The following EFHC2 variants were observed in gnomAD, a reference collection of about 807,000 sequenced individuals.
EFHC2 encodes EF-hand domain-containing family member C2.
Under a neutral mutation model 52.7 loss-of-function variants are expected in EFHC2, and 18 were observed. The observed-to-expected ratio is 0.34, with a 90% CI of 0.24 to 0.51. EFHC2 has a LOEUF of 0.51. Ranked by LOEUF, EFHC2 falls within the 20% of genes least tolerant of loss-of-function variation. The pLI, the probability that EFHC2 is intolerant of heterozygous loss-of-function variation, is 0.97. For missense variants in EFHC2, 513 were observed against 562.5 expected, an observed-to-expected ratio of 0.91 and a Z score of 0.89; for synonymous variants, 203 against 204.1, an observed-to-expected ratio of 0.99 and a Z score of 0.04.
At chrX:44,159,122 T>C (rs1231505446) in intron 14 of EFHC2, among the ~76,000 whole-genome samples, 1 of 112,049 alleles carries the variant, frequency 8.9e-6, no homozygotes, top group Non-Finnish European at 1.9e-5. Flanking sequence ...AGGATATCTT[T>C]GGGCTTCCAT....
At chrX:44,343,070 C>T (rs1401424805) in intron 1 of EFHC2, among the ~76,000 whole-genome samples, 2 of 110,266 alleles carry the variant, frequency 1.8e-5, no homozygotes, top group Non-Finnish European at 3.8e-5. Flanking sequence ...TTTTTTCACA[C>T]AGGATACTGG....
intron 2 of EFHC2, among the ~76,000 whole-genome samples, chrX:44,304,551 G>A (rs777693467): frequency 7.2e-5 from 8 of 111,709 alleles, no homozygotes; most frequent in South Asian, 3.8e-4. Flanking sequence ...GATGATGACT[G>A]GAAATAACTG....
intron 14 of EFHC2, among the ~76,000 whole-genome samples, chrX:44,154,232 G>T (rs2036590798): frequency 8.9e-6 from 1 of 112,866 alleles, no homozygotes; most frequent in Admixed American, 9.3e-5. Flanking sequence ...GGCCTCTGAG[G>T]CTTGCTTTGG....
chrX:44,269,843 A>G (rs1236333059), intron 3 of EFHC2, among the ~76,000 whole-genome samples: 1 of 111,999 alleles, frequency 8.9e-6, no homozygotes, highest in East Asian at 2.8e-4. Flanking sequence ...GCTGACAGTG[A>G]CAGTAACTAC....
intron 4 of EFHC2, among the ~76,000 whole-genome samples, chrX:44,253,092 A>G (rs1050997632): frequency 2.7e-5 from 3 of 110,976 alleles, no homozygotes; most frequent in Admixed American, 9.6e-5. Context: ...GGAACAGTGT[A>G]CTCTGGCCCA....
chrX:44,317,863 A>T (rs988429809), intron 1 of EFHC2, among the ~76,000 whole-genome samples: 2 of 113,003 alleles, frequency 1.8e-5, no homozygotes, highest in East Asian at 5.6e-4. Context: ...TAATTTTTTT[A>T]AAATGAAAAA....
chrX:44,302,222 G>A (rs752347827), intron 2 of EFHC2, among the ~76,000 whole-genome samples: 2 of 111,448 alleles, frequency 1.8e-5, no homozygotes, highest in Non-Finnish European at 3.8e-5. Flanking sequence ...GGGATGTAGT[G>A]GTACCTACAA....
intron 8 of EFHC2, among the ~76,000 whole-genome samples, chrX:44,239,208 AAC>A (rs2037342652): frequency 8.9e-6 from 1 of 112,273 alleles, no homozygotes; most frequent in South Asian, 3.7e-4. Flanking sequence ...ATGAAGATTA[AAC>A]CATGAATTTT....
At chrX:44,343,278 C>A (rs2038163535) in intron 1 of EFHC2, among the ~76,000 whole-genome samples, 1 of 111,920 alleles carries the variant, frequency 8.9e-6, no homozygotes, top group South Asian at 3.7e-4. Context: ...ACATTAAACC[C>A]CCAATGGTTA....
intron 1 of EFHC2, among the ~76,000 whole-genome samples, chrX:44,325,688 C>T (rs1014382844): frequency 3.7e-5 from 4 of 106,877 alleles, no homozygotes; most frequent in African/African-American, 1.4e-4. Context: ...AACTCCAGCA[C>T]AGCAGTCTCT....
chrX:44,247,376 T>C (rs2037408296), intron 7 of EFHC2, among the ~76,000 whole-genome samples: 1 of 111,743 alleles, frequency 8.9e-6, no homozygotes, highest in African/African-American at 3.3e-5. Flanking sequence ...ACCTTGTCTT[T>C]CAAGAAGCTG....
Position 44,250,404 on chromosome X carries a change from G to C in EFHC2, c.648C>G (p.Leu216=). The C allele has an allele frequency of 8.3e-7, 1 of 1,209,827 alleles. No homozygotes were observed. The highest frequency in any genetic ancestry group is 3.0e-5 in the East Asian group (1 of 33,828). ...HVEPLRPYES[L]DTLKQFLQYH... is the part of the protein sequence containing the mutation. ...ACTGGAGGAACTGTTTCAGGGTGTC[G>C]AGGGATTCGTAGGGACGTAAGGGCT... Residue 216 remains leucine, a synonymous_variant, in exon 5 of 15, where the codon CTC becomes CTG. Transcript: ENST00000420999.
intron 2 of EFHC2, among the ~76,000 whole-genome samples, chrX:44,294,651 C>T (rs187162567): frequency 1.0e-3 from 112 of 111,673 alleles, no homozygotes; most frequent in African/African-American, 3.4e-3. Context: ...AAGTTCAAAG[C>T]TCTGTGCTGT....
chrX:44,178,039 G>A (rs990443611), intron 12 of EFHC2, among the ~76,000 whole-genome samples: 2 of 108,410 alleles, frequency 1.8e-5, no homozygotes, highest in African/African-American at 3.4e-5. Context: ...GCTGAGGCAG[G>A]AGACTCTCTT....
chrX:44,174,599 T>C (rs1159676943), intron 13 of EFHC2, among the ~76,000 whole-genome samples: 1 of 97,011 alleles, frequency 1.0e-5, no homozygotes, highest in Non-Finnish European at 2.0e-5. Context: ...GTGAAAACCA[T>C]TGGGAGCTAT....
intron 11 of EFHC2, among the ~76,000 whole-genome samples, chrX:44,199,943 C>A (rs2036994221): frequency 8.9e-6 from 1 of 112,139 alleles, no homozygotes; most frequent in Non-Finnish European, 1.9e-5. Flanking sequence ...GGAACTGTTA[C>A]AGACCACAGA....
At chrX:44,229,580 A>G in intron 11 of EFHC2, 69 bp downstream of exon 11, 1 of 1,157,189 alleles carries the variant, frequency 8.6e-7, no homozygotes, top group Non-Finnish European at 1.2e-6. Context: ...TTAGGAAAGA[A>G]ATAGTTCTCT....
At chrX:44,202,731 A>G (rs1039099547) in intron 11 of EFHC2, among the ~76,000 whole-genome samples, 2 of 110,686 alleles carry the variant, frequency 1.8e-5, no homozygotes, top group Non-Finnish European at 3.8e-5. Flanking sequence ...CCACTGCACC[A>G]CCAGACAACC....
intron 11 of EFHC2, among the ~76,000 whole-genome samples, chrX:44,220,902 G>A (rs2037188680): frequency 9.0e-6 from 1 of 111,350 alleles, no homozygotes; most frequent in Non-Finnish European, 1.9e-5. Flanking sequence ...ACATTCTGCC[G>A]ATTGCCCTCC....
Sources: gnomAD v4.1 joint callset for allele counts (sites outside exome capture counted in the v4.1 genomes callset) on GRCh38, gnomAD v4.1.1 for gene constraint, MANE v1.5 for transcripts, NCBI Gene and HGNC (gene_info 2026-07-23, HGNC 2026-07-21) for gene names.